UBR7: variants seen among roughly 807,000 people sequenced by gnomAD.
The protein encoded by UBR7 is ubiquitin protein ligase E3 component n-recognin 7.
In UBR7, 22 loss-of-function variants were observed where a neutral mutation model predicts 57.0. That is an observed-to-expected ratio of 0.39 (90% CI 0.28 to 0.55). UBR7 has a LOEUF of 0.55. UBR7 is among the 20% of genes least tolerant of loss of function. UBR7 has a pLI of 0.69. For missense variants in UBR7, 395 were observed against 513.2 expected (o/e 0.77, Z 2.23); for synonymous variants, 167 against 179.8 (o/e 0.93, Z 0.57).
chr14:93,225,251 A>C (rs1894824070), intron 10 of UBR7, among the ~76,000 whole-genome samples: 1 of 152,100 alleles, frequency 6.6e-6, no homozygotes, highest in African/African-American at 2.4e-5. Context: ...GGATAATGTT[A>C]ATAAGTTCTA....
chr14:93,225,816 T>G (rs1894838239), intron 10 of UBR7, among the ~76,000 whole-genome samples: 1 of 152,124 alleles, frequency 6.6e-6, no homozygotes, highest in Non-Finnish European at 1.5e-5. Flanking sequence ...TTGTTAGGTC[T>G]CCTCCTACAG....
At chr14:93,211,008 A>T (rs974276297) in intron 3 of UBR7, among the ~76,000 whole-genome samples, 1 of 152,148 alleles carries the variant, frequency 6.6e-6, no homozygotes, top group Non-Finnish European at 1.5e-5. Context: ...ATATGACTTA[A>T]AAACAATAAA....
intron 1 of UBR7, 67 bp downstream of exon 1, chr14:93,207,508 T>C: frequency 6.8e-7 from 1 of 1,470,872 alleles, no homozygotes; most frequent in Non-Finnish European, 9.0e-7. Flanking sequence ...GGCCCGGCTG[T>C]CCCTATTCCC....
At chr14:93,221,442 T>C (rs1033275600) in intron 9 of UBR7, among the ~76,000 whole-genome samples, 2 of 150,340 alleles carry the variant, frequency 1.3e-5, no homozygotes, top group African/African-American at 4.9e-5. Flanking sequence ...TTTAGTAGAG[T>C]CAGGGTTTCA....
At chr14:93,223,001 T>C (rs907708723) in intron 10 of UBR7, among the ~76,000 whole-genome samples, 47 of 152,164 alleles carry the variant, frequency 3.1e-4, no homozygotes, top group Non-Finnish European at 5.4e-4. Flanking sequence ...GTCCTGACCT[T>C]GAAGCATGGA....
rs1407176556 is a variant in UBR7 at position 93,207,410 on chromosome 14, G to A, written c.119G>A (p.Gly40Asp). Residue 40 changes from glycine to aspartate, a missense_variant, in exon 1 of 11, where the codon GGC (glycine) becomes GAC (aspartate). Coordinates refer to ENST00000013070, the MANE Select transcript of UBR7 (RefSeq NM_175748.4). The part of the protein sequence containing the change: ...LENEACAVLG[G>D]SDSEKCSYSQ... ...AATGAGGCGTGCGCTGTCCTGGGCG[G>A]CAGCGACTCCGAGAAGTGCTCCTAC... 3 of 1,552,720 alleles carry A rather than the reference G, an allele frequency of 1.9e-6. No homozygotes were observed. The South Asian group carries it at 3.6e-5, about 19-fold the overall frequency.
In UBR7 at chr14:93,227,464, A is replaced by AG. The variant is rs1894883400; in HGVS notation, c.*431dup. On this transcript the variant is annotated 3_prime_UTR_variant, in exon 11 of 11. Transcript: ENST00000013070. The stretch of plus-strand genomic sequence containing the variant: ...TCTTCCCGTCACCTAGAACCTCTAC[A>AG]GGTCCCCTCGCCCCTATGATCGTGG... 1 of 688,508 alleles carries AG rather than the reference A, an allele frequency of 1.5e-6. No homozygotes were observed. Among genetic ancestry groups the AG allele is most frequent in the Non-Finnish European group, 2.6e-6 (1 of 377,874 alleles). The allele number at this position is 688,508 out of a possible 1,614,324, so 42.6% of individuals were successfully genotyped here.
At chr14:93,224,431 G>T (rs529047737) in intron 10 of UBR7, among the ~76,000 whole-genome samples, 121 of 144,558 alleles carry the variant, frequency 8.4e-4, no homozygotes, top group South Asian at 3.6e-3. Context: ...TAGGTTGGAG[G>T]GCAGTGGCGT....
At chr14:93,214,482 G>T (rs1894552250) in intron 4 of UBR7, among the ~76,000 whole-genome samples, 1 of 152,158 alleles carries the variant, frequency 6.6e-6, no homozygotes, top group South Asian at 2.1e-4. Context: ...ATCTATCGAG[G>T]TTTTTCATAA....
rs1201391802 is a variant in UBR7 at position 93,228,715 on chromosome 14, A to G, written c.*1680A>G. 2.2e-6 allele frequency: 1 copy of G among 454,006 alleles called. No individual in the cohort carries two copies. The highest frequency in any genetic ancestry group is 4.4e-6 in the Non-Finnish European group (1 of 226,798). 28.1% of individuals were successfully genotyped at this position (454,006 alleles called of 1,614,324 possible). On this transcript the variant is annotated 3_prime_UTR_variant, in exon 11 of 11. Transcript: ENST00000013070. The stretch of plus-strand genomic sequence containing the variant: ...TTTATCAAGCTGGGGAACTCTTCCA[A>G]GTCTGACAATGTTTCGAACCCTTTT...
rs1894937873 is a variant in UBR7 at position 93,229,117 on chromosome 14, T to C, written c.*2082T>C. On this transcript the variant is annotated 3_prime_UTR_variant, in exon 11 of 11. Coordinates refer to ENST00000013070, the MANE Select transcript of UBR7 (RefSeq NM_175748.4). ...TAGTTGCTTTTAAGGAGTTCTGGCA[T>C]TGTATGTGCATTTTTGTAGAAATTG... 1 of 355,562 alleles carries C rather than the reference T, an allele frequency of 2.8e-6. No individual in the cohort carries two copies. Among genetic ancestry groups the C allele is most frequent in the African/African-American group, 2.1e-5 (1 of 46,784 alleles). 22.0% of individuals were successfully genotyped at this position (355,562 alleles called of 1,614,324 possible).
intron 1 of UBR7, among the ~76,000 whole-genome samples, chr14:93,209,221 G>A (rs1003853292): frequency 1.3e-5 from 2 of 152,186 alleles, no homozygotes; most frequent in African/African-American, 4.8e-5. Flanking sequence ...CAGACACGAT[G>A]ACACTATACC....
intron 8 of UBR7, among the ~76,000 whole-genome samples, chr14:93,219,678 A>G (rs1894664870): frequency 1.3e-5 from 2 of 152,300 alleles, no homozygotes; most frequent in South Asian, 4.1e-4. Context: ...ACTGGTTGAA[A>G]GTTATAGTAA....
At chr14:93,216,196 A>AC (rs895915392) in intron 6 of UBR7, among the ~76,000 whole-genome samples, 1 of 152,228 alleles carries the variant, frequency 6.6e-6, no homozygotes, top group Admixed American at 6.5e-5. Flanking sequence ...ACAGGCACAC[A>AC]CTACCATGCC....
chr14:93,218,052 C>T (rs1412741044), intron 6 of UBR7, among the ~76,000 whole-genome samples: 1 of 150,814 alleles, frequency 6.6e-6, no homozygotes, highest in Non-Finnish European at 1.5e-5. Context: ...CAAGATCACG[C>T]CATTGCACTC....
Position 93,217,704 on chromosome 14 carries a change from A to G in UBR7, c.602-823A>G, listed in dbSNP as rs1358178845. 1.3e-5 allele frequency among the ~76,000 whole-genome samples: 2 copies of G among 152,238 alleles called. 1 individual carries two copies. The highest frequency in any genetic ancestry group is 3.8e-4 in the East Asian group (2 of 5,206). ...TTTGAATTCTTTGGGTTAGGCAGACATAACCTAAAGAAGCGTTGGAATTTT... is the reference window on the plus strand; with the variant it reads ...TTTGAATTCTTTGGGTTAGGCAGACGTAACCTAAAGAAGCGTTGGAATTTT... On this transcript the variant is annotated intron_variant, in intron 6 of 10. Transcript: ENST00000013070.
chr14:93,216,670 C>G (rs1312347335), intron 6 of UBR7, among the ~76,000 whole-genome samples: 2 of 150,498 alleles, frequency 1.3e-5, no homozygotes. Context: ...GGCTGGAGTA[C>G]AGTGGTGCTA....
intron 10 of UBR7, chr14:93,223,646 A>G: frequency 7.2e-7 from 1 of 1,384,728 alleles, no homozygotes; most frequent in Non-Finnish European, 1.0e-6. Context: ...GCTTGGGCTG[A>G]CGGGCAGGAC....
chr14:93,208,854 A>G (rs1227505530), intron 1 of UBR7, among the ~76,000 whole-genome samples: 3 of 151,860 alleles, frequency 2.0e-5, no homozygotes, highest in Non-Finnish European at 2.9e-5. Flanking sequence ...CTGGAGTGCA[A>G]TGTCATGATC....
Sources: gnomAD v4.1 joint callset for allele counts (sites outside exome capture counted in the v4.1 genomes callset) on GRCh38, gnomAD v4.1.1 for gene constraint, MANE v1.5 for transcripts, NCBI Gene and HGNC (gene_info 2026-07-23, HGNC 2026-07-21) for gene names.